HGSNAT: variants seen among roughly 807,000 people sequenced by gnomAD.
HGSNAT encodes the protein transmembrane protein 76.
In HGSNAT, 59 loss-of-function variants were observed where a neutral mutation model predicts 85.2. The ratio of observed to expected loss-of-function variants is 0.69; its 90% CI spans 0.56 to 0.86. The LOEUF is 0.86. Ranked by LOEUF, HGSNAT falls within the 40% of genes least tolerant of loss-of-function variation. HGSNAT has a pLI of 0.00. For synonymous variants in HGSNAT, 321 were observed against 304.5 expected (o/e 1.05, Z -0.56); for missense variants, 756 against 777.1 (o/e 0.97, Z 0.32).
At chr8:43,193,508 A>G (rs1804610147) in intron 13 of HGSNAT, among the ~76,000 whole-genome samples, 1 of 152,132 alleles carries the variant, frequency 6.6e-6, no homozygotes. Context: ...CCCCGCTGCA[A>G]TCACAGTGGC....
In HGSNAT at chr8:43,149,699, CAA is replaced by C. The variant is rs932162299; in HGVS notation, c.234+2649_234+2650del. 2.8e-3 allele frequency among the ~76,000 whole-genome samples: 368 copies of C among 129,166 alleles called. 2 individuals are homozygous for C. The highest frequency in any genetic ancestry group is 0.013 in the South Asian group (52 of 4,128). The allele number at this position is 129,166 out of a possible 152,430, so 84.7% of individuals were successfully genotyped here. ...TGGGCAACAGAGCAAGACTCTGTCT[CAA>C]AAAAAAAAAAAATTTTTTTTTAAAT... On this transcript the variant is annotated intron_variant, in intron 2 of 17. Coordinates refer to ENST00000379644, the MANE Select transcript of HGSNAT (RefSeq NM_152419.3).
intron 13 of HGSNAT, among the ~76,000 whole-genome samples, chr8:43,192,795 T>C (rs1483357251): frequency 6.7e-6 from 1 of 149,684 alleles, no homozygotes; most frequent in African/African-American, 2.4e-5. Context: ...AAAAAGCAAG[T>C]GAGAATGCAT....
At chr8:43,162,041 G>T (rs187323262) in intron 5 of HGSNAT, among the ~76,000 whole-genome samples, 25 of 152,358 alleles carry the variant, frequency 1.6e-4, no homozygotes, top group African/African-American at 5.5e-4. Flanking sequence ...GCTCTGCGTG[G>T]TGAATAGCGA....
At chr8:43,192,466 C>G in intron 13 of HGSNAT, 36 bp downstream of exon 13, 1 of 1,563,884 alleles carries the variant, frequency 6.4e-7, no homozygotes, top group Non-Finnish European at 8.7e-7. Context: ...AACTGGAACT[C>G]AGGCTTTCAG....
At chr8:43,196,694 C>A (rs530443090) in intron 14 of HGSNAT, 2 of 594,640 alleles carry the variant, frequency 3.4e-6, no homozygotes, top group South Asian at 3.6e-5. Context: ...GGTGCTCTGG[C>A]CTCACCTCTG....
intron 5 of HGSNAT, among the ~76,000 whole-genome samples, chr8:43,163,833 T>G (rs537822866): frequency 6.6e-6 from 1 of 152,318 alleles, no homozygotes; most frequent in Non-Finnish European, 1.5e-5. Context: ...TTTAGATGTG[T>G]CTATTTTAAC....
intron 10 of HGSNAT, among the ~76,000 whole-genome samples, chr8:43,181,374 G>A (rs1229432806): frequency 6.6e-6 from 1 of 152,184 alleles, no homozygotes; most frequent in South Asian, 2.1e-4. Flanking sequence ...GCTGAGGGAA[G>A]GCTTGTGAGC....
chr8:43,142,456 G>C (rs1802580716), intron 1 of HGSNAT, among the ~76,000 whole-genome samples: 1 of 152,182 alleles, frequency 6.6e-6, no homozygotes, highest in African/African-American at 2.4e-5. Context: ...GTGTCTGTAA[G>C]TGATACAGAC....
At chr8:43,159,750 G>A (rs973605666) in intron 4 of HGSNAT, among the ~76,000 whole-genome samples, 2 of 152,186 alleles carry the variant, frequency 1.3e-5, no homozygotes, top group African/African-American at 4.8e-5. Context: ...AGTATTTCCT[G>A]TATATCTTCT....
In HGSNAT at chr8:43,202,132, C is replaced by CT. The variant is rs1366898129; in HGVS notation, c.*2564dup. The CT allele has an allele frequency of 2.6e-5, 4 of 153,084 alleles. No homozygotes were observed. Among genetic ancestry groups the CT allele is most frequent in the African/African-American group, 9.6e-5 (4 of 41,566 alleles). 9.5% of individuals were successfully genotyped at this position (153,084 alleles called of 1,614,324 possible). ...AGTCAGCTGGGCTACAGGGGAGCTT[C>CT]TCTAAGTCCTGCGGGAGGCCAGACC... is the stretch of plus-strand genomic sequence containing the variant. On this transcript the variant is annotated 3_prime_UTR_variant, in exon 18 of 18. Coordinates refer to ENST00000379644, the MANE Select transcript of HGSNAT (RefSeq NM_152419.3).
chr8:43,196,292 C>G, intron 14 of HGSNAT: 1 of 365,072 alleles, frequency 2.7e-6, no homozygotes, highest in Non-Finnish European at 5.4e-6. Context: ...TAAAGCTTCT[C>G]ATCCTTTGAT....
intron 2 of HGSNAT, among the ~76,000 whole-genome samples, chr8:43,149,249 AG>A (rs1394455089): frequency 1.3e-5 from 2 of 152,176 alleles, no homozygotes; most frequent in East Asian, 1.9e-4. Context: ...GAAGTGACAC[AG>A]GGTTTGTATT....
chr8:43,157,482 A>C lies in HGSNAT; in HGVS notation c.235-1093A>C, dbSNP rs1382285670. Among the ~76,000 whole-genome samples the C allele has an allele frequency of 4.7e-5, 3 of 63,900 alleles. No homozygotes were observed. In the East Asian group the frequency reaches 1.7e-3, roughly 35 times the overall value. The allele number at this position is 63,900 out of a possible 152,430, so 41.9% of individuals were successfully genotyped here. ...CTGCTTTAGAGAAAGAATTGAAAAG[A>C]ATAAGAACCTTGGCCAGGCATGGTG... On this transcript the variant is annotated intron_variant, in intron 2 of 17. Transcript: ENST00000379644.
intron 11 of HGSNAT, among the ~76,000 whole-genome samples, chr8:43,184,209 A>G (rs183470132): frequency 0.03 from 4,629 of 152,286 alleles, 222 homozygotes; most frequent in African/African-American, 0.11. Context: ...AGGAATCGCC[A>G]TACTGACTTC....
At chr8:43,145,687 G>A (rs1802690125) in intron 1 of HGSNAT, among the ~76,000 whole-genome samples, 1 of 151,978 alleles carries the variant, frequency 6.6e-6, no homozygotes, top group Non-Finnish European at 1.5e-5. Context: ...AGTGGTAGAG[G>A]TTGCAGTGAG....
chr8:43,153,837 T>A (rs1802999260), intron 2 of HGSNAT, among the ~76,000 whole-genome samples: 1 of 152,208 alleles, frequency 6.6e-6, no homozygotes, highest in South Asian at 2.1e-4. Flanking sequence ...CTTAACATAA[T>A]GTCCATTAGG....
At chr8:43,161,541 C>A (rs768495990) in intron 5 of HGSNAT, 34 bp downstream of exon 5, 6 of 1,532,778 alleles carry the variant, frequency 3.9e-6, no homozygotes, top group Non-Finnish European at 3.6e-6. Context: ...ACTGGAAAGG[C>A]AGAGTATAGA....
intron 15 of HGSNAT, chr8:43,197,356 T>C (rs916528152): frequency 1.9e-6 from 1 of 528,116 alleles, no homozygotes. Flanking sequence ...TTCCAGATTA[T>C]ATGGGAAAGA....
rs72647300 is a variant in HGSNAT at position 43,158,870 on chromosome 8, A to C, written c.372-53A>C. 3.2e-6 allele frequency: 5 copies of C among 1,569,402 alleles called. No individual in the cohort carries two copies. The Admixed American group carries it at 7.3e-5, about 23-fold the overall frequency. ...GCCTCCATGATATTAGCAAAATCCA[A>C]CTTCTTATTTTCTAATCTAACCACT... On this transcript the variant is annotated intron_variant, in intron 3 of 17. Coordinates refer to ENST00000379644, the MANE Select transcript of HGSNAT (RefSeq NM_152419.3).
Sources: gnomAD v4.1 joint callset for allele counts (sites outside exome capture counted in the v4.1 genomes callset) on GRCh38, gnomAD v4.1.1 for gene constraint, MANE v1.5 for transcripts, NCBI Gene and HGNC (gene_info 2026-07-23, HGNC 2026-07-21) for gene names.